Variants in CNTNAP2 observed in about 807,000 individuals in gnomAD.
CNTNAP2 encodes contactin-associated protein-like 2.
In CNTNAP2, 98 loss-of-function variants were observed where a neutral mutation model predicts 155.2. That is an observed-to-expected ratio of 0.63 (90% CI 0.54 to 0.75). The LOEUF is 0.75. Among genes scored for constraint, CNTNAP2 ranks in the 30% least tolerant of loss-of-function variants. The pLI is 0.00. For missense variants in CNTNAP2, 1,727 were observed against 1,688.1 expected (o/e 1.02, Z -0.40); for synonymous variants, 651 against 631.2 (o/e 1.03, Z -0.47).
chr7:147,601,632 C>T lies in CNTNAP2; in HGVS notation c.1898-37474C>T, dbSNP rs1476016315. 1.7e-4 allele frequency among the ~76,000 whole-genome samples: 9 copies of T among 53,576 alleles called. No homozygotes were observed. The East Asian group carries it at 5.7e-3, about 34-fold the overall frequency. The allele number at this position is 53,576 out of a possible 152,430, so 35.1% of individuals were successfully genotyped here. A position where few individuals can be genotyped will look rare whatever the true frequency, so the allele number is the denominator to read the frequency against. Reference sequence around the variant, plus strand: ...AGTATGTATCTCTTAAAGACATTGACTCTTAAAAAAAAATATATATATATA... The same window carrying T: ...AGTATGTATCTCTTAAAGACATTGATTCTTAAAAAAAAATATATATATATA... On this transcript the variant is annotated intron_variant, in intron 12 of 23. Transcript: ENST00000361727.
At chr7:146,808,330 A>G (rs1355632801) in intron 2 of CNTNAP2, among the ~76,000 whole-genome samples, 1 of 152,206 alleles carries the variant, frequency 6.6e-6, no homozygotes, top group Non-Finnish European at 1.5e-5. Flanking sequence ...GCATTGATTG[A>G]GAGCACTGTA....
intron 21 of CNTNAP2, among the ~76,000 whole-genome samples, chr7:148,364,961 G>A (rs554380011): frequency 9.2e-5 from 14 of 152,268 alleles, no homozygotes; most frequent in South Asian, 6.2e-4. Flanking sequence ...GCAAGACCAC[G>A]AACCCACCAG....
Position 147,639,451 on chromosome 7 carries a change from G to T in CNTNAP2, c.2098+145G>T, listed in dbSNP as rs539874294. ...TGTAAATAAGTAAAATAAAATCATT[G>T]GGCTTGTTTTCTGGGGAATGAAGCT... On this transcript the variant is annotated intron_variant, in intron 13 of 23. Coordinates refer to ENST00000361727, the MANE Select transcript of CNTNAP2 (RefSeq NM_014141.6). 16 of 799,340 alleles carry T rather than the reference G, an allele frequency of 2.0e-5. No homozygotes were observed. The African/African-American group carries it at 2.4e-4, about 12-fold the overall frequency. The allele number at this position is 799,340 out of a possible 1,614,324, so 49.5% of individuals were successfully genotyped here. A position where few individuals can be genotyped will look rare whatever the true frequency, so the allele number is the denominator to read the frequency against.
At chr7:148,211,465 G>A (rs2116746836) in intron 18 of CNTNAP2, among the ~76,000 whole-genome samples, 1 of 152,356 alleles carries the variant, frequency 6.6e-6, no homozygotes, top group East Asian at 1.9e-4. Flanking sequence ...GCACGTGCAT[G>A]AGGCAGCTTG....
At chr7:147,318,283 A>G (rs867288579) in intron 9 of CNTNAP2, among the ~76,000 whole-genome samples, 1 of 152,064 alleles carries the variant, frequency 6.6e-6, no homozygotes, top group Non-Finnish European at 1.5e-5. Flanking sequence ...CTTTGCAAAA[A>G]ATACAAAAAT....
chr7:146,583,940 A>C (rs1001004086), intron 1 of CNTNAP2, among the ~76,000 whole-genome samples: 13 of 152,080 alleles, frequency 8.5e-5, no homozygotes, highest in Non-Finnish European at 1.5e-4. Context: ...TTATGAATGC[A>C]TTTTTGAATG....
chr7:146,927,014 T>C (rs538473497), intron 3 of CNTNAP2, among the ~76,000 whole-genome samples: 4 of 152,150 alleles, frequency 2.6e-5, no homozygotes, highest in Non-Finnish European at 4.4e-5. Context: ...GCAAAAAGAA[T>C]GTTGACAGAA....
intron 3 of CNTNAP2, among the ~76,000 whole-genome samples, chr7:146,940,846 GAA>G (rs1171954604): frequency 2.6e-5 from 4 of 151,628 alleles, no homozygotes; most frequent in African/African-American, 7.3e-5. Context: ...GAAAGAGAGA[GAA>G]AGAGAGAGAG....
intron 10 of CNTNAP2, among the ~76,000 whole-genome samples, chr7:147,447,231 C>T (rs1257667545): frequency 1.3e-5 from 2 of 152,068 alleles, no homozygotes; most frequent in Admixed American, 1.3e-4. Context: ...TAAATAGCTT[C>T]CACCTGCATG....
intron 1 of CNTNAP2, among the ~76,000 whole-genome samples, chr7:146,483,302 TATATATATATATATATATATATATATAC>T (rs1425429074): frequency 1.1e-4 from 8 of 74,342 alleles, no homozygotes; most frequent in East Asian, 9.0e-4. Context: ...TATATATATA[TATATATATATATATATATATATATATAC>T]ATATATATAT....
intron 13 of CNTNAP2, among the ~76,000 whole-genome samples, chr7:147,776,949 C>T (rs1182302649): frequency 2.0e-5 from 3 of 150,898 alleles, no homozygotes; most frequent in Non-Finnish European, 3.0e-5. Context: ...TTCTTTTTCT[C>T]TTTTGAAAAG....
intron 1 of CNTNAP2, among the ~76,000 whole-genome samples, chr7:146,659,504 C>G (rs780085155): frequency 2.0e-5 from 3 of 152,070 alleles, no homozygotes; most frequent in Non-Finnish European, 2.9e-5. Flanking sequence ...AAGTTTAATT[C>G]TATTTTTTTC....
chr7:146,464,627 AAT>A (rs1401481416), intron 1 of CNTNAP2, among the ~76,000 whole-genome samples: 1 of 152,048 alleles, frequency 6.6e-6, no homozygotes, highest in East Asian at 1.9e-4. Context: ...TTCCACAGCT[AAT>A]ATTTTCACTA....
At chr7:147,091,896 G>A (rs929434906) in intron 4 of CNTNAP2, among the ~76,000 whole-genome samples, 127 of 151,278 alleles carry the variant, frequency 8.4e-4, no homozygotes, top group African/African-American at 3.0e-3. Flanking sequence ...GTGAGCCACC[G>A]CGCCAGGCCA....
intron 15 of CNTNAP2, among the ~76,000 whole-genome samples, chr7:148,022,325 C>T (rs921393518): frequency 6.6e-6 from 1 of 151,894 alleles, no homozygotes; most frequent in African/African-American, 2.4e-5. Flanking sequence ...AAAAATTAGC[C>T]GAGCGTGGCG....
At chr7:146,139,610 T>G (rs1008916080) in intron 1 of CNTNAP2, among the ~76,000 whole-genome samples, 1 of 152,166 alleles carries the variant, frequency 6.6e-6, no homozygotes, top group African/African-American at 2.4e-5. Context: ...GATTTCTGTT[T>G]GTGGCTGTTG....
intron 18 of CNTNAP2, among the ~76,000 whole-genome samples, chr7:148,179,390 C>G (rs1487372012): frequency 6.6e-6 from 1 of 151,996 alleles, no homozygotes; most frequent in Non-Finnish European, 1.5e-5. Flanking sequence ...ACCTGCAGTC[C>G]CAGCTACTTG....
At chr7:147,737,408 C>T (rs905279327) in intron 13 of CNTNAP2, among the ~76,000 whole-genome samples, 1 of 152,128 alleles carries the variant, frequency 6.6e-6, no homozygotes, top group Non-Finnish European at 1.5e-5. Flanking sequence ...GGGTACCCGG[C>T]CGGGTGAGGT....
intron 1 of CNTNAP2, among the ~76,000 whole-genome samples, chr7:146,210,118 G>A (rs34332205): frequency 0.072 from 10,995 of 151,994 alleles, 455 homozygotes; most frequent in Middle Eastern, 0.14. Context: ...AGTAACTCTG[G>A]ACAAAAAGGC....
Sources: allele counts gnomAD v4.1 joint callset (sites outside exome capture counted in the v4.1 genomes callset), GRCh38; gene constraint gnomAD v4.1.1; transcripts MANE v1.5; gene names NCBI Gene and HGNC (gene_info 2026-07-23, HGNC 2026-07-21).